Variants in CNOT6 observed in about 807,000 individuals in gnomAD.
CNOT6 encodes carbon catabolite repression 4 protein.
In CNOT6, 12 loss-of-function variants were observed where a neutral mutation model predicts 61.2. That is an observed-to-expected ratio of 0.20 (90% CI 0.13 to 0.32). The LOEUF is 0.32. Among genes scored for constraint, CNOT6 ranks in the 10% least tolerant of loss-of-function variants. CNOT6 has a pLI of 1.00. For synonymous variants in CNOT6, 225 were observed against 240.6 expected (o/e 0.94, Z 0.60); for missense variants, 405 against 663.9 (o/e 0.61, Z 4.28).
At position 180,542,394 on chromosome 5, in the gene CNOT6, A is replaced by AGC. The variant is rs538650168; in HGVS notation, c.113-7536_113-7535dup. On this transcript the variant is annotated intron_variant, in intron 2 of 11. Coordinates refer to ENST00000261951, the MANE Select transcript of CNOT6 (RefSeq NM_001370472.1). ...ATCCTCCTGCATCAGCCTCCCGAGT[A>AGC]GCTGGGACTACAGGCCCGCGCCACC... Among the ~76,000 whole-genome samples the AGC allele has an allele frequency of 2.8e-4, 43 of 151,978 alleles. 2 individuals carry two copies. Among genetic ancestry groups the AGC allele is most frequent in the East Asian group, 2.7e-3 (14 of 5,154 alleles).
At chr5:180,568,448 G>A (rs1017096251) in intron 9 of CNOT6, among the ~76,000 whole-genome samples, 2 of 151,734 alleles carry the variant, frequency 1.3e-5, no homozygotes, top group African/African-American at 4.8e-5. Context: ...AGCTACTTGG[G>A]AGGCTGAGGG....
chr5:180,558,079 G>A (rs936390806), intron 4 of CNOT6, among the ~76,000 whole-genome samples: 23 of 152,046 alleles, frequency 1.5e-4, no homozygotes, highest in Non-Finnish European at 3.1e-4. Flanking sequence ...CCATCCTTCC[G>A]CCAACATCTG....
chr5:180,539,548 G>GTTGTTTTTTTTTTTTT (rs1561648866), intron 2 of CNOT6, among the ~76,000 whole-genome samples: 1 of 45,826 alleles, frequency 2.2e-5, no homozygotes, highest in African/African-American at 7.6e-5. Flanking sequence ...TACTTTTTCT[G>GTTGTTTTTTTTTTTTT]TTCTTTTTTT....
rs942046177 is a variant in CNOT6, at chr5:180,514,225, C to G, written c.-2-15050C>G. ...GATCATGAGGTCAGGAGTTCGAGATCAGCCTGGCCAACATGGTGAAACCCC... is the reference window on the plus strand; with the variant it reads ...GATCATGAGGTCAGGAGTTCGAGATGAGCCTGGCCAACATGGTGAAACCCC... On this transcript the variant is annotated intron_variant, in intron 1 of 11. Coordinates refer to ENST00000261951, the MANE Select transcript of CNOT6 (RefSeq NM_001370472.1). 1.8e-4 allele frequency among the ~76,000 whole-genome samples: 27 copies of G among 152,204 alleles called. No homozygotes were observed. In the South Asian group the frequency reaches 2.5e-3, roughly 14 times the overall value.
In CNOT6 at chr5:180,552,115, T is replaced by C. The variant is rs796536463; in HGVS notation, c.300-1271T>C. 1.3e-4 allele frequency among the ~76,000 whole-genome samples: 20 copies of C among 151,808 alleles called. 2 individuals are homozygous for C. Among genetic ancestry groups the C allele is most frequent in the African/African-American group, 4.3e-4 (18 of 41,460 alleles). ...AACTCCTGACCTCAAATGATCTGCCTGCCTCGGCCTCCCAAAGTGCTGGGA... is the reference window on the plus strand; with the variant it reads ...AACTCCTGACCTCAAATGATCTGCCCGCCTCGGCCTCCCAAAGTGCTGGGA... On this transcript the variant is annotated intron_variant, in intron 3 of 11. Transcript: ENST00000261951.
intron 3 of CNOT6, among the ~76,000 whole-genome samples, chr5:180,550,656 T>C (rs1205481316): frequency 2.6e-5 from 4 of 152,212 alleles, no homozygotes; most frequent in African/African-American, 9.6e-5. Flanking sequence ...ACTTTATTTT[T>C]GAATGAGAAA....
chr5:180,569,714 T>C (rs564287504), intron 10 of CNOT6, among the ~76,000 whole-genome samples: 4 of 152,356 alleles, frequency 2.6e-5, no homozygotes, highest in Non-Finnish European at 5.9e-5. Flanking sequence ...GTTAAAATTA[T>C]AGAATCTCAA....
At chr5:180,531,229 GGGGCGGCTGCC>G (rs1758353489) in intron 2 of CNOT6, among the ~76,000 whole-genome samples, 2 of 148,862 alleles carry the variant, frequency 1.3e-5, no homozygotes. Context: ...CTTCCCAGAC[GGGGCGGCTGCC>G]GGGCAGAGGG....
intron 11 of CNOT6, among the ~76,000 whole-genome samples, chr5:180,573,579 G>A (rs1261109243): frequency 1.3e-4 from 4 of 30,784 alleles, no homozygotes; most frequent in African/African-American, 3.4e-4. Flanking sequence ...GTGTGTGTGT[G>A]TGTGTGTGTG....
chr5:180,509,274 G>A (rs1757275445), intron 1 of CNOT6, among the ~76,000 whole-genome samples: 1 of 152,152 alleles, frequency 6.6e-6, no homozygotes, highest in Non-Finnish European at 1.5e-5. Flanking sequence ...TGGAACTACA[G>A]GGGCATGCCA....
At chr5:180,558,760 C>T (rs1007393947) in intron 4 of CNOT6, among the ~76,000 whole-genome samples, 4 of 152,066 alleles carry the variant, frequency 2.6e-5, no homozygotes, top group African/African-American at 9.7e-5. Flanking sequence ...TGTCCAGCAA[C>T]AAATTTTGAT....
rs577377630 is a variant in CNOT6 at position 180,574,338 on chromosome 5, A to G, written c.*138A>G. The G allele has an allele frequency of 9.7e-6, 7 of 721,076 alleles. No individual in the cohort carries two copies. The East Asian group carries it at 1.9e-4, about 19-fold the overall frequency. The allele number at this position is 721,076 out of a possible 1,614,324, so 44.7% of individuals were successfully genotyped here. On this transcript the variant is annotated 3_prime_UTR_variant, in exon 12 of 12. Transcript: ENST00000261951. ...CTTTCAATCTGATTATTTGATAAGG[A>G]TATAGTATGAAAGCCAGGTGCTAGC...
chr5:180,533,359 TAGGA>T (rs1304310315), intron 2 of CNOT6, among the ~76,000 whole-genome samples: 1 of 146,148 alleles, frequency 6.8e-6, no homozygotes, highest in African/African-American at 2.5e-5. Flanking sequence ...TAATACAACA[TAGGA>T]AGGAAGAGGG....
intron 11 of CNOT6, among the ~76,000 whole-genome samples, chr5:180,573,030 A>G (rs1287773009): frequency 6.6e-6 from 1 of 152,122 alleles, no homozygotes; most frequent in Non-Finnish European, 1.5e-5. Context: ...TAGAAAGTAA[A>G]CCCCTGTTTA....
At chr5:180,518,748 G>A (rs1757756720) in intron 1 of CNOT6, among the ~76,000 whole-genome samples, 3 of 152,186 alleles carry the variant, frequency 2.0e-5, no homozygotes, top group African/African-American at 7.2e-5. Flanking sequence ...CAGGCCTCCT[G>A]CCTTGGCCTC....
chr5:180,548,662 C>T (rs1759434881), intron 2 of CNOT6, among the ~76,000 whole-genome samples: 1 of 152,202 alleles, frequency 6.6e-6, no homozygotes, highest in African/African-American at 2.4e-5. Flanking sequence ...AGGAATGACT[C>T]TCCTGCATTG....
chr5:180,531,175 TGGGGCGGCTGGCC>T (rs1204809521), intron 2 of CNOT6, among the ~76,000 whole-genome samples: 2 of 127,770 alleles, frequency 1.6e-5, no homozygotes, highest in Non-Finnish European at 1.7e-5. Context: ...CCCTCCCAGC[TGGGGCGGCTGGCC>T]GGGGCGGCTG....
At chr5:180,496,297 C>T (rs1756611551) in intron 1 of CNOT6, among the ~76,000 whole-genome samples, 1 of 152,116 alleles carries the variant, frequency 6.6e-6, no homozygotes, top group South Asian at 2.1e-4. Context: ...AGGTGTTTTG[C>T]TTTAAACAAA....
At chr5:180,506,901 A>T (rs1248586900) in intron 1 of CNOT6, among the ~76,000 whole-genome samples, 3 of 152,212 alleles carry the variant, frequency 2.0e-5, no homozygotes, top group African/African-American at 7.2e-5. Context: ...TATTTAAGAT[A>T]TGTAAATGGA....
Sources: allele counts gnomAD v4.1 joint callset (sites outside exome capture counted in the v4.1 genomes callset), GRCh38; gene constraint gnomAD v4.1.1; transcripts MANE v1.5; gene names NCBI Gene and HGNC (gene_info 2026-07-23, HGNC 2026-07-21).